SHISA6: variants seen among roughly 807,000 people sequenced by gnomAD.
SHISA6 encodes protein shisa-6.
In SHISA6, 22 loss-of-function variants were observed where a neutral mutation model predicts 47.9. The ratio of observed to expected loss-of-function variants is 0.46; its 90% CI spans 0.33 to 0.66. The LOEUF is 0.66. Among genes scored for constraint, SHISA6 ranks in the 30% least tolerant of loss-of-function variants. The pLI, the probability that SHISA6 is intolerant of heterozygous loss-of-function variation, is 0.02. For synonymous variants in SHISA6, 388 were observed against 337.8 expected (o/e 1.15, Z -1.63); for missense variants, 680 against 764.6 (o/e 0.89, Z 1.30).
intron 3 of SHISA6, among the ~76,000 whole-genome samples, chr17:11,508,556 C>T (rs547208878): frequency 7.7e-6 from 1 of 130,440 alleles, no homozygotes; most frequent in Non-Finnish European, 1.6e-5. Flanking sequence ...CTCCTCTCCC[C>T]TCCCCTCCCC....
chr17:11,305,599 G>C (rs781412391), intron 2 of SHISA6, among the ~76,000 whole-genome samples: 12 of 152,214 alleles, frequency 7.9e-5, no homozygotes, highest in Non-Finnish European at 1.8e-4. Flanking sequence ...TCAAGAAATC[G>C]GAAGTTTCTC....
chr17:11,318,437 A>G (rs1468447678), intron 2 of SHISA6, among the ~76,000 whole-genome samples: 3 of 152,064 alleles, frequency 2.0e-5, no homozygotes, highest in Non-Finnish European at 4.4e-5. Flanking sequence ...AAGCTGTTCC[A>G]TCTTCTTAGA....
intron 3 of SHISA6, among the ~76,000 whole-genome samples, chr17:11,480,047 A>G (rs1466580988): frequency 2.0e-5 from 3 of 152,076 alleles, no homozygotes; most frequent in Non-Finnish European, 4.4e-5. Context: ...CTGAAGGATA[A>G]TTTCACAGGA....
chr17:11,271,601 C>CTTTTTT (rs770845288), intron 2 of SHISA6, among the ~76,000 whole-genome samples: 5 of 99,690 alleles, frequency 5.0e-5, no homozygotes, highest in African/African-American at 2.2e-4. Context: ...CCACGCCTGG[C>CTTTTTT]TTTTTTTTTT....
chr17:11,341,532 G>A lies in SHISA6; in HGVS notation c.800-37882G>A, dbSNP rs150422484. ...GTATTTTTATTAGACACGGGGTTTC[G>A]CCATGTTGGCCAGGCTGGTCTTGAA... On this transcript the variant is annotated intron_variant, in intron 2 of 5. Coordinates refer to ENST00000441885, the MANE Select transcript of SHISA6 (RefSeq NM_207386.4). Among the ~76,000 whole-genome samples the A allele has an allele frequency of 1.0e-3, 153 of 151,770 alleles. 2 individuals are homozygous for A. The East Asian group carries it at 0.026, about 26-fold the overall frequency.
chr17:11,264,226 T>G (rs1381844143), intron 2 of SHISA6, among the ~76,000 whole-genome samples: 1 of 152,224 alleles, frequency 6.6e-6, no homozygotes, highest in Non-Finnish European at 1.5e-5. Flanking sequence ...TAAATATTTA[T>G]TGGAATCTTG....
chr17:11,521,688 A>C (rs2142363410), intron 3 of SHISA6, among the ~76,000 whole-genome samples: 1 of 152,254 alleles, frequency 6.6e-6, no homozygotes, highest in South Asian at 2.1e-4. Context: ...CTGTAGTCCC[A>C]GCTATCCAGG....
intron 3 of SHISA6, among the ~76,000 whole-genome samples, chr17:11,401,119 A>G (rs1597494717): frequency 3.9e-5 from 6 of 152,300 alleles, no homozygotes; most frequent in Admixed American, 3.9e-4. Context: ...GGAACTCTAT[A>G]CCTAATACTT....
Position 11,263,492 on chromosome 17 carries a change from CTACACTCCTGT to C in SHISA6, c.766_776del (p.Tyr256AlafsTer21). On this transcript the variant is annotated frameshift_variant, in exon 2 of 6. Transcript: ENST00000441885. LOFTEE classifies it high-confidence loss of function. ...CGGTCAGATCGTCCTCCAAAAACCA[CTACACTCCTGT>C]GCGTACGGCCAAGCAGACTCCAGGT... is the stretch of plus-strand genomic sequence containing the variant. 1 of 1,551,752 alleles carries C rather than the reference CTACACTCCTGT, an allele frequency of 6.4e-7. No individual in the cohort carries two copies. The highest frequency in any genetic ancestry group is 8.7e-7 in the Non-Finnish European group (1 of 1,147,010).
intron 2 of SHISA6, among the ~76,000 whole-genome samples, chr17:11,278,659 G>A (rs543761383): frequency 6.6e-6 from 1 of 152,210 alleles, no homozygotes. Context: ...CCCCGCTGTG[G>A]GTGGGCCGCC....
At chr17:11,364,232 A>G (rs1042252768) in intron 2 of SHISA6, among the ~76,000 whole-genome samples, 1 of 152,162 alleles carries the variant, frequency 6.6e-6, no homozygotes, top group African/African-American at 2.4e-5. Flanking sequence ...AAAAATAAAG[A>G]ACGTTTCCAT....
intron 3 of SHISA6, among the ~76,000 whole-genome samples, chr17:11,419,093 T>C (rs1914375185): frequency 6.6e-6 from 1 of 152,016 alleles, no homozygotes; most frequent in South Asian, 2.1e-4. Flanking sequence ...AGGGATAGCA[T>C]TAGGAGATAT....
chr17:11,246,076 A>T (rs775638035), intron 1 of SHISA6, among the ~76,000 whole-genome samples: 3 of 152,182 alleles, frequency 2.0e-5, no homozygotes, highest in Non-Finnish European at 4.4e-5. Context: ...TAATGAATTG[A>T]TCTAAATAGA....
chr17:11,345,872 G>A (rs939869342), intron 2 of SHISA6, among the ~76,000 whole-genome samples: 1 of 151,696 alleles, frequency 6.6e-6, no homozygotes, highest in African/African-American at 2.4e-5. Flanking sequence ...AGATTCCTTA[G>A]GATTTTCTAT....
At chr17:11,429,078 C>T (rs112832442) in intron 3 of SHISA6, among the ~76,000 whole-genome samples, 5 of 152,162 alleles carry the variant, frequency 3.3e-5, no homozygotes, top group African/African-American at 9.6e-5. Context: ...TGTGAGCCAC[C>T]GTGCCCGGCC....
At chr17:11,454,563 C>T (rs1478757529) in intron 3 of SHISA6, among the ~76,000 whole-genome samples, 1 of 152,166 alleles carries the variant, frequency 6.6e-6, no homozygotes, top group Non-Finnish European at 1.5e-5. Context: ...CAATTAGCCT[C>T]CTGTGAGTTC....
intron 2 of SHISA6, among the ~76,000 whole-genome samples, chr17:11,359,195 G>C (rs1485738042): frequency 2.0e-5 from 3 of 152,096 alleles, no homozygotes; most frequent in Admixed American, 1.3e-4. Flanking sequence ...CTTCCTTGCT[G>C]TCATGTTTAA....
intron 1 of SHISA6, among the ~76,000 whole-genome samples, 166 bp from the exon 2 acceptor site, chr17:11,263,200 C>G (rs1344762282): frequency 6.6e-6 from 1 of 152,142 alleles, no homozygotes; most frequent in Admixed American, 6.5e-5. Context: ...CCCTGTGTCC[C>G]CCCTGAGACC....
At position 11,361,057 on chromosome 17, in the gene SHISA6, G is replaced by T. The variant is rs79033868; in HGVS notation, c.800-18357G>T. On this transcript the variant is annotated intron_variant, in intron 2 of 5. Transcript: ENST00000441885. ...GATCTTTTTTCCTGTTTTTTTTTTT[G>T]TGTGTGTGTTCCATTTATCTATTCT... Among the ~76,000 whole-genome samples, 20 of 39,342 alleles carry T rather than the reference G, an allele frequency of 5.1e-4. No homozygotes were observed. The South Asian group carries it at 6.3e-3, about 12-fold the overall frequency. 25.8% of individuals were successfully genotyped at this position (39,342 alleles called of 152,430 possible).
Sources: allele counts gnomAD v4.1 joint callset (sites outside exome capture counted in the v4.1 genomes callset), GRCh38; gene constraint gnomAD v4.1.1; transcripts MANE v1.5; gene names NCBI Gene and HGNC (gene_info 2026-07-23, HGNC 2026-07-21).